The following BAZ2B variants were observed in gnomAD, a reference collection of about 807,000 sequenced individuals.
The protein encoded by BAZ2B is bromodomain adjacent to zinc finger domain protein 2B.
BAZ2B carries 91 observed loss-of-function variants against 246.0 expected under a neutral mutation model. The observed-to-expected ratio is 0.37, with a 90% CI of 0.31 to 0.44. BAZ2B has a LOEUF of 0.44. Ranked by LOEUF, BAZ2B falls within the 20% of genes least tolerant of loss-of-function variation. The probability of loss-of-function intolerance (pLI) is 1.00; values close to 1 mark genes in which losing one functional copy is unlikely to be tolerated. For synonymous variants in BAZ2B, 855 were observed against 860.0 expected (o/e 0.99, Z 0.10); for missense variants, 2,332 against 2,533.7 (o/e 0.92, Z 1.71).
chr2:159,453,075 G>A (rs945047974), intron 4 of BAZ2B, among the ~76,000 whole-genome samples: 1 of 152,012 alleles, frequency 6.6e-6, no homozygotes, highest in African/African-American at 2.4e-5. Context: ...GCTCTAGCCT[G>A]GGCAACAGAG....
At chr2:159,471,098 A>T (rs1215154834) in intron 3 of BAZ2B, among the ~76,000 whole-genome samples, 1 of 152,178 alleles carries the variant, frequency 6.6e-6, no homozygotes, top group Non-Finnish European at 1.5e-5. Flanking sequence ...TGGAAGCTAA[A>T]AGGAAAGATT....
intron 21 of BAZ2B, 47 bp from the exon 22 acceptor site, chr2:159,386,654 T>C: frequency 6.7e-7 from 1 of 1,500,980 alleles, no homozygotes; most frequent in South Asian, 1.3e-5. Flanking sequence ...GCTTAATTTT[T>C]TAAAAGCCAT....
chr2:159,700,996 T>A, the BAZ2B span, among the ~76,000 whole-genome samples: 2 of 152,340 alleles, frequency 1.3e-5, no homozygotes, highest in South Asian at 4.1e-4. Context: ...AAATATGTGA[T>A]TTAATCATGC....
the BAZ2B span, among the ~76,000 whole-genome samples, chr2:159,639,901 C>G: frequency 2.7e-3 from 403 of 151,868 alleles, 2 homozygotes; most frequent in African/African-American, 9.2e-3. Flanking sequence ...TCAAAAGACA[C>G]AGAGTAGCTG....
In BAZ2B at chr2:159,475,672, T is replaced by C. The variant is rs193072791; in HGVS notation, c.145+2903A>G. Among the ~76,000 whole-genome samples the C allele has an allele frequency of 2.0e-5, 3 of 152,370 alleles. No individual in the cohort carries two copies. In the East Asian group the frequency reaches 5.8e-4, roughly 29 times the overall value. ...ATTTTCAGCCCTTTTGCGCTGGTTT[T>C]TCCTCATCTTTGTGGATTTATCTAC... On this transcript the variant is annotated intron_variant, in intron 3 of 36. Coordinates refer to ENST00000392783, the MANE Select transcript of BAZ2B (RefSeq NM_013450.4).
Position 159,505,654 on chromosome 2 carries a change from G to A in BAZ2B, c.-2-26933C>T, listed in dbSNP as rs575432113. On this transcript the variant is annotated intron_variant, in intron 2 of 36. Transcript: ENST00000392783. ...AAAATATCTGCTAATATAAGGGAATGGGAAAATATCTGCTAATATAAAGAA... is the reference window on the plus strand; with the variant it reads ...AAAATATCTGCTAATATAAGGGAATAGGAAAATATCTGCTAATATAAAGAA... 2.0e-5 allele frequency among the ~76,000 whole-genome samples: 3 copies of A among 152,184 alleles called. No homozygotes were observed. The South Asian group carries it at 6.2e-4, about 32-fold the overall frequency.
chr2:159,370,378 C>CTTTTTT (rs55760591), intron 27 of BAZ2B, among the ~76,000 whole-genome samples: 10 of 92,254 alleles, frequency 1.1e-4, no homozygotes, highest in African/African-American at 3.6e-4. Flanking sequence ...ACTGTACTAC[C>CTTTTTT]TTTTTTTTTT....
chr2:159,523,321 C>T (rs959557434), intron 2 of BAZ2B, among the ~76,000 whole-genome samples: 4 of 152,260 alleles, frequency 2.6e-5, no homozygotes, highest in African/African-American at 9.6e-5. Context: ...AAGATCACTT[C>T]AGCCCAGGAG....
At position 159,349,944 on chromosome 2, in the gene BAZ2B, G is replaced by C. The variant is rs1270970663; in HGVS notation, c.4627C>G (p.Leu1543Val). ...SSGPGKFYSP[L>V]PNDQLLKTLT... is the part of the protein sequence containing the mutation. ...GTTTTTAGTAACTGGTCATTGGGGAGAGGACTGTAGAACTTCCCTGGACCA... is the reference window on the plus strand; with the variant it reads ...GTTTTTAGTAACTGGTCATTGGGGACAGGACTGTAGAACTTCCCTGGACCA... The change falls in exon 28 of 37, where the codon CTC becomes GTC. Residue 1543 changes from leucine to valine, a missense_variant. Leu to Val is a conservative substitution (Grantham distance 32). Around this residue, in one of 9 missense-constraint regions of BAZ2B, gnomAD observed 676 missense variants for 668.6 expected, o/e 1.01. Transcript: ENST00000392783. 1 of 1,614,040 alleles carries C rather than the reference G, an allele frequency of 6.2e-7. No homozygotes were observed. The highest frequency in any genetic ancestry group is 8.5e-7 in the Non-Finnish European group (1 of 1,180,000).
At chr2:159,507,647 G>C (rs1577916677) in intron 2 of BAZ2B, among the ~76,000 whole-genome samples, 1 of 151,946 alleles carries the variant, frequency 6.6e-6, no homozygotes, top group East Asian at 1.9e-4. Flanking sequence ...ATTAGATCTA[G>C]GATTCATTAT....
the BAZ2B span, among the ~76,000 whole-genome samples, chr2:159,675,882 G>A: frequency 2.0e-5 from 3 of 151,808 alleles, no homozygotes; most frequent in African/African-American, 7.3e-5. Flanking sequence ...TGGGAATACA[G>A]GCGCACCCCC....
the BAZ2B span, among the ~76,000 whole-genome samples, chr2:159,652,945 A>AT: frequency 4.0e-5 from 6 of 149,286 alleles, no homozygotes; most frequent in South Asian, 2.1e-4. Flanking sequence ...TTTTATTTTT[A>AT]TTTTTTTTTT....
intron 1 of BAZ2B, among the ~76,000 whole-genome samples, chr2:159,579,395 T>C (rs1686159028): frequency 6.6e-6 from 1 of 152,184 alleles, no homozygotes; most frequent in Admixed American, 6.5e-5. Flanking sequence ...AATCCCTGAA[T>C]AGATCAATAA....
chr2:159,507,186 A>G (rs926128582), intron 2 of BAZ2B, among the ~76,000 whole-genome samples: 1 of 152,242 alleles, frequency 6.6e-6, no homozygotes, highest in Non-Finnish European at 1.5e-5. Flanking sequence ...GGCTGCAAAG[A>G]AGAGCTAAAT....
intron 2 of BAZ2B, among the ~76,000 whole-genome samples, chr2:159,530,356 A>G (rs939793672): frequency 1.3e-5 from 2 of 152,252 alleles, no homozygotes; most frequent in South Asian, 2.1e-4. Context: ...CGTATTTCAC[A>G]TAATACTCTC....
chr2:159,399,244 A>C (rs879520541), intron 17 of BAZ2B, among the ~76,000 whole-genome samples: 2 of 152,196 alleles, frequency 1.3e-5, no homozygotes, highest in Non-Finnish European at 2.9e-5. Flanking sequence ...TTCTGATTTT[A>C]AAAGTAAAAC....
chr2:159,354,999 C>T (rs537553993), intron 27 of BAZ2B, among the ~76,000 whole-genome samples: 13 of 152,300 alleles, frequency 8.5e-5, no homozygotes, highest in Non-Finnish European at 1.9e-4. Flanking sequence ...ACCAGAATCA[C>T]TCTGACCCCT....
Position 159,575,183 on chromosome 2 carries a change from C to A in BAZ2B, c.-45-19318G>T, listed in dbSNP as rs562162921. On this transcript the variant is annotated intron_variant, in intron 1 of 36. Transcript: ENST00000392783. The stretch of plus-strand genomic sequence containing the variant: ...TAGTGGGTAATGGGAGTTGGGGGAA[C>A]AGGAAATGGAGAATGACTCCACAGG... Among the ~76,000 whole-genome samples, 10 of 152,054 alleles carry A rather than the reference C, an allele frequency of 6.6e-5. No individual in the cohort carries two copies. The East Asian group carries it at 1.9e-3, about 30-fold the overall frequency.
At chr2:159,398,627 C>T (rs1040270112) in intron 18 of BAZ2B, among the ~76,000 whole-genome samples, 5 of 151,900 alleles carry the variant, frequency 3.3e-5, no homozygotes, top group South Asian at 4.2e-4. Flanking sequence ...CAAAGCATTA[C>T]AAAAAACCCT....
Sources: gnomAD v4.1 joint callset for allele counts (sites outside exome capture counted in the v4.1 genomes callset) on GRCh38, gnomAD v4.1.1 for gene constraint, gnomAD v4.1.1 regional missense constraint, MANE v1.5 for transcripts, NCBI Gene and HGNC (gene_info 2026-07-23, HGNC 2026-07-21) for gene names.